Variants in ZNF385D observed in about 807,000 individuals in gnomAD.
ZNF385D encodes zinc finger protein 659.
In ZNF385D, 15 loss-of-function variants were observed where a neutral mutation model predicts 35.8. The ratio of observed to expected loss-of-function variants is 0.42; its 90% CI spans 0.28 to 0.64. The LOEUF is 0.64. Ranked by LOEUF, ZNF385D falls within the 30% of genes least tolerant of loss-of-function variation. The pLI is 0.23. For synonymous variants in ZNF385D, 212 were observed against 186.8 expected, an observed-to-expected ratio of 1.13 and a Z score of -1.10; for missense variants, 474 against 494.6, an observed-to-expected ratio of 0.96 and a Z score of 0.39.
chr3:21,901,356 C>T (rs1699403934), intron 3 of ZNF385D, among the ~76,000 whole-genome samples: 1 of 152,116 alleles, frequency 6.6e-6, no homozygotes, highest in Non-Finnish European at 1.5e-5. Flanking sequence ...AATGCTTTAT[C>T]TCCAAAGTTT....
At chr3:21,876,198 A>G (rs2125855286) in intron 3 of ZNF385D, among the ~76,000 whole-genome samples, 1 of 152,156 alleles carries the variant, frequency 6.6e-6, no homozygotes, top group Middle Eastern at 3.4e-3. Flanking sequence ...CCTGAGGGAT[A>G]GAAAATGTTT....
intron 3 of ZNF385D, among the ~76,000 whole-genome samples, chr3:22,142,216 C>G (rs1472971186): frequency 6.6e-6 from 1 of 152,080 alleles, no homozygotes; most frequent in Non-Finnish European, 1.5e-5. Flanking sequence ...ATGTTCTTTA[C>G]TAGTGTTTTT....
intron 1 of ZNF385D, among the ~76,000 whole-genome samples, chr3:21,681,239 T>A (rs571784570): frequency 1.4e-5 from 2 of 145,704 alleles, no homozygotes; most frequent in East Asian, 2.0e-4. Context: ...ACAAAAAAAA[T>A]TATTTTTATT....
chr3:22,043,621 T>TTGTAGCAGAGGAGAGAGGTAGGTAAC (rs1698809109), intron 3 of ZNF385D, among the ~76,000 whole-genome samples: 1 of 151,758 alleles, frequency 6.6e-6, no homozygotes, highest in Non-Finnish European at 1.5e-5. Flanking sequence ...CTGCCTTCTC[T>TTGTAGCAGAGGAGAGAGGTAGGTAAC]TCTAGCAGAG....
At chr3:21,692,856 G>A (rs914382095) in intron 1 of ZNF385D, among the ~76,000 whole-genome samples, 1 of 152,152 alleles carries the variant, frequency 6.6e-6, no homozygotes, top group Non-Finnish European at 1.5e-5. Flanking sequence ...CTTTGTCTGA[G>A]CTACCGATAT....
chr3:21,896,665 A>T (rs1330252663), intron 3 of ZNF385D, among the ~76,000 whole-genome samples: 2 of 152,006 alleles, frequency 1.3e-5, no homozygotes, highest in African/African-American at 4.8e-5. Context: ...TTACAGTATT[A>T]TTTTTCTGAT....
intron 3 of ZNF385D, among the ~76,000 whole-genome samples, chr3:21,812,691 A>G (rs1384069332): frequency 5.3e-5 from 8 of 152,216 alleles, no homozygotes; most frequent in Non-Finnish European, 1.2e-4. Flanking sequence ...TAAACAAAGC[A>G]GCTGGGAAGC....
intron 3 of ZNF385D, among the ~76,000 whole-genome samples, chr3:21,795,702 G>T (rs1575663716): frequency 6.6e-6 from 1 of 152,274 alleles, no homozygotes; most frequent in East Asian, 1.9e-4. Flanking sequence ...CAGTGAATTT[G>T]TGGGAAGAAA....
At chr3:21,736,057 C>T (rs1449883482) in intron 1 of ZNF385D, among the ~76,000 whole-genome samples, 2 of 152,196 alleles carry the variant, frequency 1.3e-5, no homozygotes, top group African/African-American at 2.4e-5. Context: ...GGACTGAATC[C>T]TTTGCATGAC....
chr3:21,691,721 G>C (rs532551737), intron 1 of ZNF385D, among the ~76,000 whole-genome samples: 1 of 152,102 alleles, frequency 6.6e-6, no homozygotes, highest in Non-Finnish European at 1.5e-5. Context: ...GTGATAACAT[G>C]TTTACATAAA....
chr3:22,340,483 T>C (rs538123840), intron 2 of ZNF385D, among the ~76,000 whole-genome samples: 43 of 152,194 alleles, frequency 2.8e-4, no homozygotes, highest in African/African-American at 1.0e-3. Flanking sequence ...TTATCTCTAC[T>C]AAAAATACAA....
At chr3:21,878,497 T>C (rs958994967) in intron 3 of ZNF385D, among the ~76,000 whole-genome samples, 1 of 151,312 alleles carries the variant, frequency 6.6e-6, no homozygotes, top group African/African-American at 2.4e-5. Flanking sequence ...ACGTTGAAAA[T>C]CTATTTTGTG....
At chr3:21,787,290 C>T (rs1041811708) in intron 3 of ZNF385D, among the ~76,000 whole-genome samples, 1 of 152,116 alleles carries the variant, frequency 6.6e-6, no homozygotes, top group African/African-American at 2.4e-5. Flanking sequence ...CCTCCTTCCC[C>T]TCCTCTCCTC....
intron 3 of ZNF385D, among the ~76,000 whole-genome samples, chr3:21,877,098 G>A (rs533742267): frequency 3.9e-5 from 6 of 152,110 alleles, no homozygotes; most frequent in East Asian, 1.9e-4. Flanking sequence ...AGGTTTATTC[G>A]CCTGCCCTAA....
intron 3 of ZNF385D, among the ~76,000 whole-genome samples, chr3:22,122,792 A>G (rs2125668853): frequency 6.6e-6 from 1 of 152,332 alleles, no homozygotes; most frequent in Admixed American, 6.5e-5. Context: ...TCATGCATGC[A>G]GTTTTCTGAA....
chr3:22,097,720 T>C (rs1312839386), intron 3 of ZNF385D, among the ~76,000 whole-genome samples: 1 of 152,006 alleles, frequency 6.6e-6, no homozygotes, highest in South Asian at 2.1e-4. Flanking sequence ...AGCTGTGTGC[T>C]TGGAGAAGCA....
At chr3:21,544,003 G>C (rs998161831) in intron 3 of ZNF385D, among the ~76,000 whole-genome samples, 1 of 152,124 alleles carries the variant, frequency 6.6e-6, no homozygotes, top group Non-Finnish European at 1.5e-5. Context: ...TTTTTTGTGT[G>C]TGTGTAGTGT....
chr3:22,236,490 T>C (rs935851772), intron 2 of ZNF385D, among the ~76,000 whole-genome samples: 5 of 152,184 alleles, frequency 3.3e-5, no homozygotes, highest in South Asian at 2.1e-4. Context: ...AGTTACCACA[T>C]GCATGAATTG....
intron 3 of ZNF385D, among the ~76,000 whole-genome samples, chr3:21,919,381 T>A (rs259509): frequency 0.28 from 42,219 of 152,138 alleles, 6,813 homozygotes; most frequent in Admixed American, 0.43. Flanking sequence ...GGATGGAATG[T>A]TCTATATTTT....
Sources: gnomAD v4.1 joint callset for allele counts (sites outside exome capture counted in the v4.1 genomes callset) on GRCh38, gnomAD v4.1.1 for gene constraint, MANE v1.5 for transcripts, NCBI Gene and HGNC (gene_info 2026-07-23, HGNC 2026-07-21) for gene names.